Variants in ALAD observed in about 807,000 individuals in gnomAD.
ALAD encodes the protein delta-aminolevulinic acid dehydratase.
Under a neutral mutation model 44.4 loss-of-function variants are expected in ALAD, and 20 were observed. That is an observed-to-expected ratio of 0.45 (90% confidence interval 0.32 to 0.65). The LOEUF is 0.65. Ranked by LOEUF, ALAD falls within the 30% of genes least tolerant of loss-of-function variation. The pLI is 0.05. For synonymous variants in ALAD, 156 were observed against 167.9 expected, an observed-to-expected ratio of 0.93 and a Z score of 0.55; for missense variants, 323 against 445.7, an observed-to-expected ratio of 0.72 and a Z score of 2.48.
rs1827397406 is a variant in ALAD at position 113,386,435 on chromosome 9, C to T, written c.*1865G>A. 6.6e-6 allele frequency: 1 copy of T among 152,122 alleles called. No individual in the cohort carries two copies. The highest frequency in any genetic ancestry group is 2.1e-4 in the South Asian group (1 of 4,826). 9.4% of individuals were successfully genotyped at this position (152,122 alleles called of 1,614,324 possible). A position where few individuals can be genotyped will look rare whatever the true frequency, so the allele number is the denominator to read the frequency against. On this transcript the variant is annotated 3_prime_UTR_variant, in exon 12 of 12. Coordinates refer to ENST00000409155, the MANE Select transcript of ALAD (RefSeq NM_000031.6). ...GTGTTCTGAGCATGTTTAAGGCAGG[C>T]TAGGCTAAGCTATGATGTTTGGTAG...
Position 113,389,266 on chromosome 9 carries a change from G to A in ALAD, c.802-160C>T, listed in dbSNP as rs8177811. Among the ~76,000 whole-genome samples, 831 of 152,320 alleles carry A rather than the reference G, an allele frequency of 5.5e-3. 10 individuals are homozygous for A. The highest frequency in any genetic ancestry group is 0.019 in the African/African-American group (802 of 41,562). ...ACTCTTGAACTGTTAAAGCAGGGCT[G>A]TTTGAGGCTCGTGCAAGCCCCGACA... On this transcript the variant is annotated intron_variant, in intron 10 of 11. Coordinates refer to ENST00000409155, the MANE Select transcript of ALAD (RefSeq NM_000031.6).
intron 1 of ALAD, among the ~76,000 whole-genome samples, chr9:113,399,584 G>A (rs147674938): frequency 3.3e-5 from 5 of 152,304 alleles, no homozygotes; most frequent in Admixed American, 6.5e-5. Context: ...ATGGAAGAGG[G>A]GACAGTGAAG....
At chr9:113,389,365 T>G in intron 10 of ALAD, 73 bp downstream of exon 10, 1 of 1,569,960 alleles carries the variant, frequency 6.4e-7, no homozygotes, top group South Asian at 1.1e-5. Flanking sequence ...TGCTTCCAAC[T>G]CTGAGATTCC....
At chr9:113,391,693 A>G in intron 3 of ALAD, 70 bp from the exon 4 acceptor site, 1 of 1,269,616 alleles carries the variant, frequency 7.9e-7, no homozygotes, top group Non-Finnish European at 1.1e-6. Context: ...ACCCCACCAC[A>G]CTGTGTGCCT....
At chr9:113,398,468 G>T (rs1183937445) in intron 1 of ALAD, among the ~76,000 whole-genome samples, 1 of 152,172 alleles carries the variant, frequency 6.6e-6, no homozygotes, top group Non-Finnish European at 1.5e-5. Context: ...CAGAAACCCT[G>T]GGGCAGGACT....
chr9:113,390,614 C>A lies in ALAD; in HGVS notation c.460G>T (p.Ala154Ser), dbSNP rs867738210. 1.9e-6 allele frequency: 3 copies of A among 1,614,108 alleles called. No individual in the cohort carries two copies. The highest frequency in any genetic ancestry group is 2.7e-5 in the African/African-American group (2 of 75,076). Residue 154 changes from alanine (A) to serine (S), a missense_variant, in exon 6 of 12, where the codon GCA (alanine) becomes TCA (serine). Transcript: ENST00000409155. The part of the protein sequence containing the change: ...EESRQRLAEV[A>S]LAYAKAGCQV... ...TCACCTGCCTTGGCATACGCCAATGCCACCTCAGCCAGCCGCTGGCGGCTC... is the reference window on the plus strand; with the variant it reads ...TCACCTGCCTTGGCATACGCCAATGACACCTCAGCCAGCCGCTGGCGGCTC...
At position 113,388,176 on chromosome 9, in the gene ALAD, A is replaced by T; in HGVS notation, c.*124T>A. 1 of 1,039,958 alleles carries T rather than the reference A, an allele frequency of 9.6e-7. No homozygotes were observed. The highest frequency in any genetic ancestry group is 2.4e-5 in the East Asian group (1 of 41,140). The allele number at this position is 1,039,958 out of a possible 1,614,324, so 64.4% of individuals were successfully genotyped here. ...CCACCCAGGGCTGCTGGGCCCCGCT[A>T]GCATGTGAGCAGGAAGAGGGCATGA... On this transcript the variant is annotated 3_prime_UTR_variant, in exon 12 of 12. Transcript: ENST00000409155.
chr9:113,396,369 A>T (rs1176527791), intron 1 of ALAD: 1 of 147,030 alleles, frequency 6.8e-6, no homozygotes, highest in African/African-American at 2.5e-5. Context: ...AGCCTGGGCG[A>T]CAGTGTGAGA....
rs1827460456 is a variant in ALAD at position 113,388,239 on chromosome 9, A to G, written c.*61T>C. ...AAAAGCAGCATTTACTTTGGTTTTC[A>G]CTTGTCTGAGGCCCCGGGAACGTTT... On this transcript the variant is annotated 3_prime_UTR_variant, in exon 12 of 12. Transcript: ENST00000409155. 6.4e-7 allele frequency: 1 copy of G among 1,561,602 alleles called. No individual in the cohort carries two copies. The highest frequency in any genetic ancestry group is 8.8e-7 in the Non-Finnish European group (1 of 1,132,334).
chr9:113,400,464 G>A (rs1827825151), intron 1 of ALAD, among the ~76,000 whole-genome samples: 1 of 152,176 alleles, frequency 6.6e-6, no homozygotes, highest in African/African-American at 2.4e-5. Flanking sequence ...TTCTAGTTGT[G>A]TGACCTCAGT....
chr9:113,395,699 A>G (rs1827706804), intron 1 of ALAD, among the ~76,000 whole-genome samples: 1 of 152,208 alleles, frequency 6.6e-6, no homozygotes, highest in Non-Finnish European at 1.5e-5. Context: ...GATTGAGTGC[A>G]TGGAGCCTGA....
At chr9:113,394,887 A>G (rs1827685017) in intron 1 of ALAD, among the ~76,000 whole-genome samples, 1 of 152,056 alleles carries the variant, frequency 6.6e-6, no homozygotes. Context: ...CCCCACCTCT[A>G]CTAAAAATAC....
intron 10 of ALAD, 101 bp downstream of exon 10, chr9:113,389,337 G>T: frequency 7.0e-7 from 1 of 1,426,340 alleles, no homozygotes; most frequent in Non-Finnish European, 9.8e-7. Context: ...AGGAGAGGAT[G>T]CATGCTTAAG....
chr9:113,390,987 G>T (rs1588083832), intron 4 of ALAD, 54 bp from the exon 5 acceptor site: 1 of 1,609,108 alleles, frequency 6.2e-7, no homozygotes, highest in East Asian at 2.2e-5. Context: ...GCTTTGGAAG[G>T]CAGGATGACA....
chr9:113,388,577 A>G lies in ALAD; in HGVS notation c.932-216T>C, dbSNP rs576478274. Reference sequence around the variant, plus strand: ...CTCAGTTTACCAAAGAATAAAATGCACAGTGAAGGAAATAGGTAAGAGGCA... The same window carrying G: ...CTCAGTTTACCAAAGAATAAAATGCGCAGTGAAGGAAATAGGTAAGAGGCA... On this transcript the variant is annotated intron_variant, in intron 11 of 11. Coordinates refer to ENST00000409155, the MANE Select transcript of ALAD (RefSeq NM_000031.6). 3.9e-5 allele frequency among the ~76,000 whole-genome samples: 6 copies of G among 152,362 alleles called. No individual in the cohort carries two copies. The East Asian group carries it at 1.2e-3, about 29-fold the overall frequency.
rs1048557932 is a variant in ALAD, at chr9:113,386,964, A to T, written c.*1336T>A. On this transcript the variant is annotated 3_prime_UTR_variant, in exon 12 of 12. Coordinates refer to ENST00000409155, the MANE Select transcript of ALAD (RefSeq NM_000031.6). ...ATCCACAATCCATTCCCCTTTCTCC[A>T]TCCCCACTGTCCCCGCTCCAGTCCA... The T allele has an allele frequency of 4.6e-5, 7 of 152,122 alleles. No homozygotes were observed. The highest frequency in any genetic ancestry group is 1.7e-4 in the African/African-American group (7 of 41,388). The allele number at this position is 152,122 out of a possible 1,614,324, so 9.4% of individuals were successfully genotyped here. A position where few individuals can be genotyped will look rare whatever the true frequency, so the allele number is the denominator to read the frequency against.
intron 4 of ALAD, 119 bp from the exon 5 acceptor site, chr9:113,391,052 G>C (rs1308068761): frequency 1.9e-5 from 26 of 1,389,806 alleles, no homozygotes; most frequent in Non-Finnish European, 2.5e-5. Flanking sequence ...ACAGCCCCTG[G>C]ATAAGGAAGC....
chr9:113,391,355 C>G (rs1198616057), intron 4 of ALAD, among the ~76,000 whole-genome samples, 172 bp downstream of exon 4: 2 of 152,156 alleles, frequency 1.3e-5, no homozygotes, highest in East Asian at 3.9e-4. Context: ...CAGGCACATA[C>G]CCCCACACCC....
At chr9:113,389,339 AT>A in intron 10 of ALAD, 98 bp downstream of exon 10, 2 of 1,465,916 alleles carry the variant, frequency 1.4e-6, no homozygotes, top group Non-Finnish European at 1.9e-6. Flanking sequence ...GAGAGGATGC[AT>A]GCTTAAGGGC....
Sources: allele counts gnomAD v4.1 joint callset (sites outside exome capture counted in the v4.1 genomes callset), GRCh38; gene constraint gnomAD v4.1.1; transcripts MANE v1.5; gene names NCBI Gene and HGNC (gene_info 2026-07-23, HGNC 2026-07-21).